Variants in PCP4 observed in about 807,000 individuals in gnomAD.
The protein encoded by PCP4 is calmodulin regulator protein PCP4.
Under a neutral mutation model 10.0 loss-of-function variants are expected in PCP4, and 8 were observed. The ratio of observed to expected loss-of-function variants is 0.80; its 90% CI spans 0.47 to 1.45. The LOEUF is 1.45. PCP4 is among the 40% of genes most tolerant of loss of function. PCP4 has a pLI of 0.00. For synonymous variants in PCP4, 21 were observed against 23.0 expected, an observed-to-expected ratio of 0.91 and a Z score of 0.24; for missense variants, 54 against 74.4, an observed-to-expected ratio of 0.73 and a Z score of 1.01.
intron 2 of PCP4, among the ~76,000 whole-genome samples, chr21:39,907,224 C>T (rs1321047350): frequency 6.6e-6 from 1 of 152,128 alleles, no homozygotes; most frequent in Non-Finnish European, 1.5e-5. Context: ...GTTCTCCCCT[C>T]CACATGAGGC....
At chr21:39,903,186 A>G (rs916138065) in intron 2 of PCP4, among the ~76,000 whole-genome samples, 2 of 152,198 alleles carry the variant, frequency 1.3e-5, no homozygotes, top group Non-Finnish European at 2.9e-5. Context: ...TTTATGAATA[A>G]TAAACCTCGT....
In PCP4 at chr21:39,929,161, T is replaced by C; in HGVS notation, c.*50T>C. 2 of 1,568,986 alleles carry C rather than the reference T, an allele frequency of 1.3e-6. No homozygotes were observed. The highest frequency in any genetic ancestry group is 1.7e-6 in the Non-Finnish European group (2 of 1,154,068). On this transcript the variant is annotated 3_prime_UTR_variant, in exon 3 of 3. Transcript: ENST00000328619. ...CTGAAAACACCAAATTCAACCATCA[T>C]CTGTCAAGAAATTAAAAGAACAACA...
chr21:39,887,981 C>G (rs1201000670), intron 1 of PCP4, among the ~76,000 whole-genome samples: 2 of 152,110 alleles, frequency 1.3e-5, no homozygotes, highest in African/African-American at 2.4e-5. Context: ...CAATATATAC[C>G]AAAGATATGC....
At chr21:39,879,157 T>A (rs1432181589) in intron 1 of PCP4, among the ~76,000 whole-genome samples, 1 of 152,052 alleles carries the variant, frequency 6.6e-6, no homozygotes, top group African/African-American at 2.4e-5. Flanking sequence ...GACCAGCTAA[T>A]TTTGTAATTT....
At chr21:39,885,759 T>C (rs1441981456) in intron 1 of PCP4, among the ~76,000 whole-genome samples, 1 of 152,258 alleles carries the variant, frequency 6.6e-6, no homozygotes, top group African/African-American at 2.4e-5. Flanking sequence ...AGCCAGACTT[T>C]GCCCGGCTTT....
At chr21:39,898,366 A>C (rs1400566985) in intron 1 of PCP4, 110 bp from the exon 2 acceptor site, 6 of 887,316 alleles carry the variant, frequency 6.8e-6, no homozygotes, top group African/African-American at 1.6e-5. Context: ...GAGCTAAAGT[A>C]ACATAGAACT....
chr21:39,899,135 TG>T (rs2087470991), intron 2 of PCP4, among the ~76,000 whole-genome samples: 1 of 152,128 alleles, frequency 6.6e-6, no homozygotes, highest in African/African-American at 2.4e-5. Flanking sequence ...GGCTTGGCAT[TG>T]GGGTGAGATT....
chr21:39,907,138 T>C (rs1048589055), intron 2 of PCP4, among the ~76,000 whole-genome samples: 1 of 152,132 alleles, frequency 6.6e-6, no homozygotes, highest in Non-Finnish European at 1.5e-5. Flanking sequence ...TATTTCTCCT[T>C]GGAAAATAAT....
chr21:39,907,567 G>A (rs567123137), intron 2 of PCP4, among the ~76,000 whole-genome samples: 2 of 152,286 alleles, frequency 1.3e-5, no homozygotes, highest in South Asian at 2.1e-4. Flanking sequence ...AGGCCGAGGT[G>A]GGTGGATCAC....
At chr21:39,889,790 A>G (rs769196662) in intron 1 of PCP4, among the ~76,000 whole-genome samples, 12 of 152,154 alleles carry the variant, frequency 7.9e-5, no homozygotes, top group Admixed American at 2.6e-4. Context: ...AAAAAATATT[A>G]TTAGACTGCA....
At chr21:39,868,539 C>A (rs758989561) in intron 1 of PCP4, among the ~76,000 whole-genome samples, 15 of 152,102 alleles carry the variant, frequency 9.9e-5, no homozygotes, top group Non-Finnish European at 1.9e-4. Flanking sequence ...AGGGAGAGAC[C>A]AACTGTGGGG....
intron 2 of PCP4, among the ~76,000 whole-genome samples, chr21:39,919,826 TTGTG>T (rs910584266): frequency 2.7e-5 from 4 of 150,014 alleles, no homozygotes; most frequent in African/African-American, 4.9e-5. Context: ...TGTGGTATGT[TTGTG>T]TGTTTTGTGT....
chr21:39,894,009 G>A lies in PCP4; in HGVS notation c.10-4467G>A, dbSNP rs141712341. 2.1e-3 allele frequency among the ~76,000 whole-genome samples: 326 copies of A among 152,268 alleles called. 1 individual carries two copies. The highest frequency in any genetic ancestry group is 7.5e-3 in the African/African-American group (313 of 41,548). ...TTTGGTGAGCATCCAGGAAGATGCC[G>A]TGTCTGCATGGGGACAAGGTGTTGT... On this transcript the variant is annotated intron_variant, in intron 1 of 2. Coordinates refer to ENST00000328619, the MANE Select transcript of PCP4 (RefSeq NM_006198.3).
chr21:39,876,933 C>T (rs11910720), intron 1 of PCP4, among the ~76,000 whole-genome samples: 4,467 of 152,164 alleles, frequency 0.029, 237 homozygotes, highest in African/African-American at 0.1. Context: ...GAAAGGCTGT[C>T]GTTTTTATAG....
intron 1 of PCP4, among the ~76,000 whole-genome samples, chr21:39,889,604 G>C (rs1475130277): frequency 9.3e-5 from 14 of 151,038 alleles, no homozygotes; most frequent in Admixed American, 9.2e-4. Flanking sequence ...TTTTAGTAGA[G>C]ATGGGGTTTC....
intron 2 of PCP4, among the ~76,000 whole-genome samples, chr21:39,922,446 A>C (rs2087601070): frequency 6.6e-6 from 1 of 152,248 alleles, no homozygotes; most frequent in Non-Finnish European, 1.5e-5. Flanking sequence ...TCAGGAAAGT[A>C]GCATAAGAAA....
At chr21:39,917,128 G>C (rs1254317839) in intron 2 of PCP4, among the ~76,000 whole-genome samples, 1 of 152,216 alleles carries the variant, frequency 6.6e-6, no homozygotes, top group African/African-American at 2.4e-5. Flanking sequence ...GAGGCAGAGA[G>C]CTCAGCCTAG....
At chr21:39,921,994 TC>T (rs2087598776) in intron 2 of PCP4, among the ~76,000 whole-genome samples, 1 of 152,216 alleles carries the variant, frequency 6.6e-6, no homozygotes, top group South Asian at 2.1e-4. Flanking sequence ...ATTTTTCTGT[TC>T]TTTGGATTTT....
intron 2 of PCP4, among the ~76,000 whole-genome samples, chr21:39,903,876 CAAAAAA>C (rs67572508): frequency 2.1e-5 from 2 of 95,584 alleles, no homozygotes; most frequent in Admixed American, 2.5e-4. Flanking sequence ...TCAAAAAAAA[CAAAAAA>C]AAAAAAAAAA....
Sources: gnomAD v4.1 joint callset for allele counts (sites outside exome capture counted in the v4.1 genomes callset) on GRCh38, gnomAD v4.1.1 for gene constraint, MANE v1.5 for transcripts, NCBI Gene and HGNC (gene_info 2026-07-23, HGNC 2026-07-21) for gene names.